The following TRHDE variants were observed in gnomAD, a reference collection of about 807,000 sequenced individuals.
TRHDE encodes thyrotropin releasing hormone degrading enzyme, also known as thyrotropin-releasing hormone-degrading ectoenzyme.
TRHDE carries 72 observed loss-of-function variants against 125.7 expected under a neutral mutation model. The observed-to-expected ratio is 0.57, with a 90% confidence interval of 0.47 to 0.70. The LOEUF (loss-of-function observed/expected upper bound fraction) is 0.70. TRHDE is among the 30% of genes least tolerant of loss of function. The probability of loss-of-function intolerance (pLI) is 0.00; values close to 1 mark genes in which losing one functional copy is unlikely to be tolerated. For synonymous variants in TRHDE, 509 were observed against 509.1 expected, an observed-to-expected ratio of 1.00 and a Z score of 0.00; for missense variants, 1,110 against 1,327.1, an observed-to-expected ratio of 0.84 and a Z score of 2.54.
At chr12:72,599,783 C>A (rs780835245) in intron 12 of TRHDE, among the ~76,000 whole-genome samples, 5 of 152,046 alleles carry the variant, frequency 3.3e-5, no homozygotes, top group Non-Finnish European at 7.4e-5. Flanking sequence ...GTCATAAATT[C>A]TTACCCAAGG....
intron 2 of TRHDE, among the ~76,000 whole-genome samples, chr12:72,131,482 A>T (rs1392715670): frequency 6.6e-6 from 1 of 152,086 alleles, no homozygotes; most frequent in South Asian, 2.1e-4. Flanking sequence ...AGATTTTTTT[A>T]AAATTATCCC....
At chr12:72,168,357 T>G (rs1876798611) in intron 2 of TRHDE, among the ~76,000 whole-genome samples, 7 of 152,222 alleles carry the variant, frequency 4.6e-5, no homozygotes, top group Admixed American at 4.6e-4. Context: ...GATTTATTAT[T>G]AATTGATTCA....
At chr12:72,659,881 G>A (rs751539642) in intron 18 of TRHDE, among the ~76,000 whole-genome samples, 3 of 152,094 alleles carry the variant, frequency 2.0e-5, no homozygotes, top group South Asian at 2.1e-4. Flanking sequence ...TATTCTCCCC[G>A]CTTGCGGAGA....
intron 1 of TRHDE, among the ~76,000 whole-genome samples, chr12:72,277,813 G>A (rs1879543459): frequency 6.6e-6 from 1 of 152,036 alleles, no homozygotes; most frequent in Non-Finnish European, 1.5e-5. Context: ...TAAATATACA[G>A]TTTTTTCAAA....
chr12:72,369,518 C>T (rs1231307271), intron 2 of TRHDE, among the ~76,000 whole-genome samples: 1 of 152,080 alleles, frequency 6.6e-6, no homozygotes, highest in Non-Finnish European at 1.5e-5. Context: ...ATTTTCTCTT[C>T]AAAATAAATG....
In TRHDE at chr12:72,669,676, C is replaced by T. The variant is rs141473090; in HGVS notation, c.*6481C>T. 2.6e-5 allele frequency: 4 copies of T among 151,772 alleles called. No homozygotes were observed. The highest frequency in any genetic ancestry group is 9.6e-5 in the African/African-American group (4 of 41,490). The allele number at this position is 151,772 out of a possible 1,614,324, so 9.4% of individuals were successfully genotyped here. On this transcript the variant is annotated 3_prime_UTR_variant, in exon 19 of 19. Transcript: ENST00000261180. ...GAGAACATTCATTATTAAGTTTTTG[C>T]TATTAATTTTCATTTAAAATAGGTT...
At chr12:72,603,804 G>C (rs1872316215) in intron 12 of TRHDE, among the ~76,000 whole-genome samples, 1 of 151,964 alleles carries the variant, frequency 6.6e-6, no homozygotes, top group Non-Finnish European at 1.5e-5. Flanking sequence ...AGTGCACCCT[G>C]TGTTTTAGGA....
chr12:72,508,305 A>G (rs1324084456), intron 6 of TRHDE, among the ~76,000 whole-genome samples: 1 of 152,142 alleles, frequency 6.6e-6, no homozygotes, highest in East Asian at 1.9e-4. Context: ...CAAACACTCA[A>G]TGCCAGACCT....
intron 6 of TRHDE, among the ~76,000 whole-genome samples, chr12:72,540,124 A>G (rs1296653943): frequency 2.0e-5 from 3 of 151,804 alleles, no homozygotes; most frequent in African/African-American, 4.8e-5. Context: ...ACAGTTGGAG[A>G]GCCCATCTGT....
chr12:72,603,968 G>A (rs1471853201), intron 12 of TRHDE, among the ~76,000 whole-genome samples: 2 of 152,142 alleles, frequency 1.3e-5, no homozygotes, highest in East Asian at 1.9e-4. Context: ...AGAATACAAA[G>A]TATTGTATGT....
chr12:72,580,046 A>C (rs1462750329), intron 12 of TRHDE, among the ~76,000 whole-genome samples: 3 of 152,184 alleles, frequency 2.0e-5, no homozygotes, highest in African/African-American at 7.2e-5. Flanking sequence ...ATTCAATATA[A>C]ATTTTAGAGT....
intron 3 of TRHDE, among the ~76,000 whole-genome samples, chr12:72,403,854 G>C (rs1415318714): frequency 6.6e-6 from 1 of 152,186 alleles, no homozygotes; most frequent in Non-Finnish European, 1.5e-5. Flanking sequence ...GATTATGGGG[G>C]CTCAGAGTGG....
At chr12:72,138,525 C>G (rs1876040879) in intron 2 of TRHDE, among the ~76,000 whole-genome samples, 1 of 152,158 alleles carries the variant, frequency 6.6e-6, no homozygotes, top group Non-Finnish European at 1.5e-5. Context: ...AGAGAGGAAA[C>G]AAGGTGTGCA....
intron 2 of TRHDE, among the ~76,000 whole-genome samples, chr12:72,110,471 A>G (rs1875291333): frequency 6.6e-6 from 1 of 152,082 alleles, no homozygotes; most frequent in South Asian, 2.1e-4. Flanking sequence ...GCATAGAAGG[A>G]AAGTCATTTG....
intron 2 of TRHDE, among the ~76,000 whole-genome samples, chr12:72,114,177 A>AAAG (rs370194242): frequency 3.3e-5 from 5 of 150,286 alleles, no homozygotes; most frequent in African/African-American, 7.3e-5. Flanking sequence ...AAAAAAAAAA[A>AAAG]GCATGCTGGG....
intron 4 of TRHDE, among the ~76,000 whole-genome samples, chr12:72,472,740 C>G (rs999376321): frequency 7.9e-5 from 12 of 152,204 alleles, no homozygotes; most frequent in African/African-American, 2.9e-4. Flanking sequence ...AGCCTTTCCT[C>G]TTCTACGTAA....
At chr12:72,154,451 C>T (rs186732657) in intron 2 of TRHDE, among the ~76,000 whole-genome samples, 3,814 of 152,186 alleles carry the variant, frequency 0.025, 50 homozygotes, top group Middle Eastern at 0.048. Context: ...TTTTAGCTGG[C>T]TATTTTGCTC....
chr12:72,155,755 T>C (rs920959045), intron 2 of TRHDE, among the ~76,000 whole-genome samples: 1 of 152,128 alleles, frequency 6.6e-6, no homozygotes, highest in African/African-American at 2.4e-5. Flanking sequence ...CTCTGGAAGT[T>C]TTGTCTCAGA....
chr12:72,373,426 T>A (rs1400462074), intron 2 of TRHDE, among the ~76,000 whole-genome samples: 1 of 152,154 alleles, frequency 6.6e-6, no homozygotes, highest in Middle Eastern at 3.2e-3. Flanking sequence ...TCCAACACTA[T>A]GTTGAATAGG....
Sources: gnomAD v4.1 joint callset for allele counts (sites outside exome capture counted in the v4.1 genomes callset) on GRCh38, gnomAD v4.1.1 for gene constraint, MANE v1.5 for transcripts, NCBI Gene and HGNC (gene_info 2026-07-23, HGNC 2026-07-21) for gene names.